The following SMPD4 variants were observed in gnomAD, a reference collection of about 807,000 sequenced individuals.
SMPD4 encodes the protein sphingomyelin phosphodiesterase 4.
In SMPD4, 58 loss-of-function variants were observed where a neutral mutation model predicts 97.8. That is an observed-to-expected ratio of 0.59 (90% CI 0.48 to 0.74). The LOEUF is 0.74. SMPD4 is among the 30% of genes least tolerant of loss of function. The pLI, the probability that SMPD4 is intolerant of heterozygous loss-of-function variation, is 0.00. For missense variants in SMPD4, 853 were observed against 1,080.5 expected (o/e 0.79, Z 2.95); for synonymous variants, 388 against 450.0 (o/e 0.86, Z 1.74).
intron 12 of SMPD4, 77 bp from the exon 13 acceptor site, chr2:130,156,752 T>G (rs1227534799): frequency 6.4e-7 from 1 of 1,565,392 alleles, no homozygotes. Context: ...AGGGCTCCCA[T>G]CAGTGAGGGT....
At chr2:130,164,333 G>T in intron 10 of SMPD4, 41 bp downstream of exon 10, 1 of 1,545,234 alleles carries the variant, frequency 6.5e-7, no homozygotes, top group South Asian at 1.1e-5. Flanking sequence ...AGGCTGAGCA[G>T]GGTCAGAAGC....
intron 14 of SMPD4, 152 bp from the exon 15 acceptor site, chr2:130,155,411 G>C: frequency 9.7e-7 from 1 of 1,031,406 alleles, no homozygotes. Context: ...AGCTCAGGGG[G>C]CCACGGGCAG....
At chr2:130,158,770 C>T (rs897584216) in intron 11 of SMPD4, among the ~76,000 whole-genome samples, 12 of 152,200 alleles carry the variant, frequency 7.9e-5, no homozygotes, top group Non-Finnish European at 1.2e-4. Context: ...TGGACATGCT[C>T]GCCTCTCCAC....
intron 1 of SMPD4, among the ~76,000 whole-genome samples, chr2:130,177,992 G>A (rs1477645933): frequency 2.0e-5 from 3 of 152,182 alleles, no homozygotes; most frequent in Non-Finnish European, 4.4e-5. Context: ...TGGACCTTAA[G>A]TTACAGAGTA....
At chr2:130,167,237 C>T (rs1688022462) in intron 9 of SMPD4, among the ~76,000 whole-genome samples, 1 of 152,144 alleles carries the variant, frequency 6.6e-6, no homozygotes, top group East Asian at 1.9e-4. Context: ...TCTCCCGCCT[C>T]AGCCTCCCGA....
At chr2:130,177,419 C>T (rs1407408211) in intron 1 of SMPD4, among the ~76,000 whole-genome samples, 1 of 152,028 alleles carries the variant, frequency 6.6e-6, no homozygotes, top group South Asian at 2.1e-4. Context: ...TGTTCTCAGC[C>T]GGGCATGGTG....
rs1448202381 is a variant in SMPD4, at chr2:130,152,615, A to T, written c.2424T>A (p.Tyr808Ter). Residue 808 changes from tyrosine to a stop codon, truncating the protein, a stop_gained, in exon 20 of 20, where the codon TAT becomes TAA. Transcript: ENST00000680298. LOFTEE classifies it high-confidence loss of function. ...LPCTLLLTLG[Y>*]VLYASAMTLL... ...GTGTCATGGCAGAGGCGTAGAGGAC[A>T]TAGCCCAGGGTGAGCAGCAGCGTGC... The T allele has an allele frequency of 6.4e-7, 1 of 1,553,526 alleles. No individual in the cohort carries two copies. Among genetic ancestry groups the T allele is most frequent in the Non-Finnish European group, 8.7e-7 (1 of 1,149,038 alleles).
In SMPD4 at chr2:130,152,824, A is replaced by G; in HGVS notation, c.2215T>C (p.Tyr739His). ...GCCAGCCCAGGTTCTGTGAGGTGGTAGCGACAGAAGCTGCCGAGGAAGTCA... is the reference window on the plus strand; with the variant it reads ...GCCAGCCCAGGTTCTGTGAGGTGGTGGCGACAGAAGCTGCCGAGGAAGTCA... ...RDDFLGSFCR[Y>H]HLTEPGLASR... is the part of the protein sequence containing the mutation. Residue 739 changes from tyrosine (Y) to histidine (H), a missense_variant, in exon 20 of 20, where the codon TAC becomes CAC. Around this residue, in one of 3 missense-constraint regions of SMPD4, gnomAD observed 511 missense variants for 608.1 expected, o/e 0.84. Transcript: ENST00000680298. 2 of 1,603,524 alleles carry G rather than the reference A, an allele frequency of 1.2e-6. No homozygotes were observed. The highest frequency in any genetic ancestry group is 2.2e-5 in the East Asian group (1 of 44,642).
intron 16 of SMPD4, 23 bp from the exon 17 acceptor site, chr2:130,153,958 T>C: frequency 1.2e-6 from 2 of 1,605,258 alleles, no homozygotes; most frequent in Non-Finnish European, 1.7e-6. Context: ...CGCGGGCAGG[T>C]CACCAGCAGG....
chr2:130,177,213 G>A (rs965443759), intron 1 of SMPD4, among the ~76,000 whole-genome samples: 30 of 152,252 alleles, frequency 2.0e-4, no homozygotes, highest in African/African-American at 6.5e-4. Flanking sequence ...CCCAACTAGC[G>A]GGAACTACAG....
chr2:130,154,039 T>A, intron 16 of SMPD4, 104 bp from the exon 17 acceptor site: 2 of 1,208,368 alleles, frequency 1.7e-6, no homozygotes, highest in African/African-American at 1.5e-5. Flanking sequence ...TCAGGAGGAG[T>A]GGCTTCTGCC....
intron 1 of SMPD4, chr2:130,181,167 A>C: frequency 1.4e-6 from 1 of 731,366 alleles, no homozygotes; most frequent in Non-Finnish European, 1.8e-6. Context: ...ACACAGGGGA[A>C]GGGTCGAGCT....
chr2:130,175,548 G>A (rs1688908936), intron 2 of SMPD4, among the ~76,000 whole-genome samples: 1 of 152,014 alleles, frequency 6.6e-6, no homozygotes, highest in African/African-American at 2.4e-5. Flanking sequence ...TAAAACACAG[G>A]GCAGACAAAA....
At chr2:130,156,279 T>A (rs1394550982) in intron 13 of SMPD4, 144 bp from the exon 14 acceptor site, 2 of 767,874 alleles carry the variant, frequency 2.6e-6, no homozygotes, top group Admixed American at 5.6e-5. Flanking sequence ...CACAGCCCTG[T>A]GAGGTTTGGC....
At position 130,161,279 on chromosome 2, in the gene SMPD4, T is replaced by TA. The variant is rs749982612; in HGVS notation, c.865-8dup. The TA allele has an allele frequency of 5.0e-6, 8 of 1,611,684 alleles. No homozygotes were observed. The highest frequency in any genetic ancestry group is 1.6e-4 in the Middle Eastern group (1 of 6,078). ...GGTAGTGCAGAACCTCCAGCTGAGA[T>TA]AAGAAACAGAGAGATGCCGGAAGAG... On this transcript the variant is annotated splice_region_variant and splice_polypyrimidine_tract_variant and intron_variant, in intron 10 of 19. Coordinates refer to ENST00000680298, the MANE Select transcript of SMPD4 (RefSeq NM_017951.5).
In SMPD4 at chr2:130,158,709, T is replaced by C. The variant is rs905390045; in HGVS notation, c.952-1313A>G. ...GGAGGGCAGGTGGGCGCATCGAGAG[T>C]AGACGAGGGCAGGGAAGTAGGGGTG... On this transcript the variant is annotated intron_variant, in intron 11 of 19. Coordinates refer to ENST00000680298, the MANE Select transcript of SMPD4 (RefSeq NM_017951.5). Among the ~76,000 whole-genome samples the C allele has an allele frequency of 1.1e-4, 17 of 151,490 alleles. 1 individual carries two copies. The highest frequency in any genetic ancestry group is 2.6e-4 in the Admixed American group (4 of 15,194).
chr2:130,176,504 T>G (rs548122877), intron 2 of SMPD4, 50 bp downstream of exon 2: 40 of 1,467,630 alleles, frequency 2.7e-5, no homozygotes, highest in East Asian at 6.9e-5. Flanking sequence ...AAGTCCCACA[T>G]CTACAGAACT....
chr2:130,153,115 C>T lies in SMPD4; in HGVS notation c.2082G>A (p.Gln694=). ...EIEYQGDPEL[Q]PIRSYEIASL... is the part of the protein sequence containing the mutation. ...TGGCGATCTCATAGCTCCGGATGGG[C>T]TGCAGCTCCGGGTCCCCCTGGTACT... Residue 694 remains glutamine (Q), a synonymous_variant, in exon 19 of 20, where the codon CAG becomes CAA. Transcript: ENST00000680298. 1 of 1,613,844 alleles carries T rather than the reference C, an allele frequency of 6.2e-7. No homozygotes were observed. Among genetic ancestry groups the T allele is most frequent in the Non-Finnish European group, 8.5e-7 (1 of 1,180,008 alleles).
At chr2:130,153,559 C>T (rs1206795165) in intron 17 of SMPD4, 109 bp from the exon 18 acceptor site, 5 of 1,578,440 alleles carry the variant, frequency 3.2e-6, no homozygotes, top group East Asian at 2.3e-5. Flanking sequence ...CTATGACGCT[C>T]GGGGTGTGGG....
Sources: allele counts gnomAD v4.1 joint callset (sites outside exome capture counted in the v4.1 genomes callset), GRCh38; gene constraint gnomAD v4.1.1; regional missense constraint gnomAD v4.1.1; transcripts MANE v1.5; gene names NCBI Gene and HGNC (gene_info 2026-07-23, HGNC 2026-07-21).